Variants in RIMS2 observed in about 807,000 individuals in gnomAD.
RIMS2 encodes the protein regulating synaptic membrane exocytosis 2, also known as regulating synaptic membrane exocytosis protein 2.
In RIMS2, 59 loss-of-function variants were observed where a neutral mutation model predicts 174.4. That is an observed-to-expected ratio of 0.34 (90% confidence interval 0.27 to 0.42). The LOEUF is 0.42. RIMS2 is among the 10% of genes least tolerant of loss of function. The pLI is 1.00. For missense variants in RIMS2, 1,620 were observed against 1,666.3 expected, an observed-to-expected ratio of 0.97 and a Z score of 0.48; for synonymous variants, 606 against 572.5, an observed-to-expected ratio of 1.06 and a Z score of -0.84.
chr8:103,635,473 C>G (rs2096054541), intron 1 of RIMS2, among the ~76,000 whole-genome samples: 1 of 152,182 alleles, frequency 6.6e-6, no homozygotes, highest in Admixed American at 6.5e-5. Flanking sequence ...TTCCATAGGG[C>G]TGCTTCAGTA....
chr8:104,082,336 A>G (rs981800508), intron 19 of RIMS2, among the ~76,000 whole-genome samples: 8 of 152,188 alleles, frequency 5.3e-5, no homozygotes, highest in Non-Finnish European at 1.2e-4. Context: ...TACATAAGTA[A>G]TGATGGTACA....
At chr8:104,238,728 T>C (rs1000810530) in intron 19 of RIMS2, among the ~76,000 whole-genome samples, 1 of 152,184 alleles carries the variant, frequency 6.6e-6, no homozygotes, top group Non-Finnish European at 1.5e-5. Context: ...ATATACTGGA[T>C]ACCCAAGATT....
At position 103,508,336 on chromosome 8, in the gene RIMS2, T is replaced by TGGGAAGATGCCATCTA. The variant is rs1245287436; in HGVS notation, c.176+7277_176+7292dup. On this transcript the variant is annotated intron_variant, in intron 1 of 23. Transcript: ENST00000504942. ...ACAAGAGGAGCACGTGATTCAGTCCTGGGAAGATGCCATCTAGGCTGAATC... is the reference window on the plus strand; with the variant it reads ...ACAAGAGGAGCACGTGATTCAGTCCTGGGAAGATGCCATCTAGGGAAGATGCCATCTAGGCTGAATC... Among the ~76,000 whole-genome samples the TGGGAAGATGCCATCTA allele has an allele frequency of 2.0e-5, 3 of 152,000 alleles. No homozygotes were observed. The East Asian group carries it at 5.8e-4, about 29-fold the overall frequency.
chr8:104,138,390 C>G lies in RIMS2; in HGVS notation c.3335-106526C>G, dbSNP rs999135463. On this transcript the variant is annotated intron_variant, in intron 19 of 23. Coordinates refer to ENST00000504942, the Ensembl canonical transcript of RIMS2. Reference sequence around the variant, plus strand: ...GTAGTTGTACTAATTTACATTCCCACCAACGGTGTAAGAGGGTTCCCTTTT... The same window carrying G: ...GTAGTTGTACTAATTTACATTCCCAGCAACGGTGTAAGAGGGTTCCCTTTT... Among the ~76,000 whole-genome samples, 8 of 152,308 alleles carry G rather than the reference C, an allele frequency of 5.3e-5. 1 individual carries two copies. In the South Asian group the frequency reaches 1.7e-3, roughly 32 times the overall value.
At chr8:104,255,088 G>A (rs1054709313), downstream of RIMS2, 3 of 152,066 alleles carry the variant, frequency 2.0e-5, no homozygotes, top group Non-Finnish European at 4.4e-5. Flanking sequence ...TTTAGTAATC[G>A]AACTGAAATC....
intron 3 of RIMS2, among the ~76,000 whole-genome samples, chr8:103,804,828 G>T (rs2154458328): frequency 6.6e-6 from 1 of 151,590 alleles, no homozygotes; most frequent in Middle Eastern, 3.4e-3. Flanking sequence ...TGAGAGTCTT[G>T]CTCTGTCACC....
intron 19 of RIMS2, among the ~76,000 whole-genome samples, chr8:104,034,559 C>T (rs1033095053): frequency 4.6e-5 from 7 of 150,758 alleles, no homozygotes; most frequent in Non-Finnish European, 8.9e-5. Flanking sequence ...TAGCCTCCAC[C>T]TCCTGGTTCA....
Position 103,648,533 on chromosome 8 carries a change from C to T in RIMS2, c.177-48553C>T, listed in dbSNP as rs183299759. ...GTCTCGATGATCTGTCTCATATTGA[C>T]AGTGGGGTGTTAAAGTCTCCCACTA... On this transcript the variant is annotated intron_variant, in intron 1 of 23. Transcript: ENST00000504942. Among the ~76,000 whole-genome samples the T allele has an allele frequency of 3.9e-5, 6 of 152,244 alleles. No individual in the cohort carries two copies. In the East Asian group the frequency reaches 9.6e-4, roughly 24 times the overall value.
rs556392089 is a variant in RIMS2, at chr8:103,841,933, C to T, written c.699-43365C>T. Reference sequence around the variant, plus strand: ...TCCTGCCACTGCACTCCAGCTTGGGCGACAAAGCGAGACTCCGTCTCAAAA... The same window carrying T: ...TCCTGCCACTGCACTCCAGCTTGGGTGACAAAGCGAGACTCCGTCTCAAAA... On this transcript the variant is annotated intron_variant, in intron 3 of 23. Coordinates refer to ENST00000504942, the Ensembl canonical transcript of RIMS2. 5.5e-4 allele frequency among the ~76,000 whole-genome samples: 82 copies of T among 150,076 alleles called. No homozygotes were observed. In the South Asian group the frequency reaches 0.015, roughly 27 times the overall value.
chr8:104,097,749 A>T (rs2097787547), intron 19 of RIMS2, among the ~76,000 whole-genome samples: 1 of 152,152 alleles, frequency 6.6e-6, no homozygotes, highest in African/African-American at 2.4e-5. Context: ...CAAATTAGGG[A>T]ATGCTCAACC....
chr8:103,570,947 A>T (rs1045169530), intron 1 of RIMS2, among the ~76,000 whole-genome samples: 13 of 152,160 alleles, frequency 8.5e-5, no homozygotes, highest in East Asian at 3.8e-4. Context: ...TGTTTTTCCT[A>T]TACCAATGAC....
chr8:104,040,097 T>C (rs573643738), intron 19 of RIMS2, among the ~76,000 whole-genome samples: 125 of 151,862 alleles, frequency 8.2e-4, no homozygotes, highest in Non-Finnish European at 1.2e-3. Flanking sequence ...TGGAATGTTT[T>C]CATTTTATCA....
intron 1 of RIMS2, among the ~76,000 whole-genome samples, chr8:103,654,014 A>G (rs898508788): frequency 1.3e-5 from 2 of 152,106 alleles, no homozygotes; most frequent in African/African-American, 4.8e-5. Flanking sequence ...AAATTTAACA[A>G]TTGCTTTTCT....
At chr8:103,504,569 G>A (rs1294964210) in intron 1 of RIMS2, among the ~76,000 whole-genome samples, 2 of 151,854 alleles carry the variant, frequency 1.3e-5, no homozygotes, top group South Asian at 2.1e-4. Context: ...TAAGCTTTTT[G>A]TAACACAAAT....
intron 2 of RIMS2, among the ~76,000 whole-genome samples, chr8:103,765,652 C>T (rs904767812): frequency 6.6e-6 from 1 of 151,750 alleles, no homozygotes; most frequent in African/African-American, 2.4e-5. Flanking sequence ...AATAAAAGCC[C>T]CCTTAAGAAT....
rs140646004 is a variant in RIMS2 at position 104,089,287 on chromosome 8, C to T, written c.3334+74672C>T. Among the ~76,000 whole-genome samples the T allele has an allele frequency of 7.9e-5, 12 of 151,988 alleles. No individual in the cohort carries two copies. In the East Asian group the frequency reaches 9.6e-4, roughly 12 times the overall value. On this transcript the variant is annotated intron_variant, in intron 19 of 23. Transcript: ENST00000504942. The stretch of plus-strand genomic sequence containing the variant: ...TTTCCTAAATAAATAAATTTACTTA[C>T]TCACATTCGTAGCTCATTACCTTGG...
At chr8:103,571,835 A>G (rs544036232) in intron 1 of RIMS2, among the ~76,000 whole-genome samples, 2 of 152,290 alleles carry the variant, frequency 1.3e-5, no homozygotes, top group South Asian at 2.1e-4. Context: ...GTTTGCTTCA[A>G]AAATTTTCTT....
intron 2 of RIMS2, among the ~76,000 whole-genome samples, chr8:103,759,564 C>CAAAA (rs35946104): frequency 1.2e-3 from 87 of 69,916 alleles, no homozygotes; most frequent in African/African-American, 3.1e-3. Flanking sequence ...GACTCCGTCT[C>CAAAA]AAAAAAAAAA....
chr8:104,106,754 C>A (rs1217080242), intron 19 of RIMS2, among the ~76,000 whole-genome samples: 1 of 152,158 alleles, frequency 6.6e-6, no homozygotes, highest in Non-Finnish European at 1.5e-5. Flanking sequence ...GACAATTAAT[C>A]TATAGCTGTT....
Sources: allele counts gnomAD v4.1 joint callset (sites outside exome capture counted in the v4.1 genomes callset), GRCh38; gene constraint gnomAD v4.1.1; transcripts MANE v1.5; gene names NCBI Gene and HGNC (gene_info 2026-07-23, HGNC 2026-07-21).